The following TTC39C variants were observed in gnomAD, a reference collection of about 807,000 sequenced individuals.
TTC39C encodes tetratricopeptide repeat protein 39C.
TTC39C carries 33 observed loss-of-function variants against 76.3 expected under a neutral mutation model. The ratio of observed to expected loss-of-function variants is 0.43; its 90% CI spans 0.33 to 0.58. The LOEUF (loss-of-function observed/expected upper bound fraction) is 0.58. Ranked by LOEUF, TTC39C falls within the 20% of genes least tolerant of loss-of-function variation. The pLI is 0.04. For missense variants in TTC39C, 595 were observed against 701.4 expected (o/e 0.85, Z 1.71); for synonymous variants, 254 against 260.6 (o/e 0.97, Z 0.24).
At chr18:24,035,971 G>A (rs2083727666) in intron 1 of TTC39C, among the ~76,000 whole-genome samples, 1 of 152,046 alleles carries the variant, frequency 6.6e-6, no homozygotes, top group South Asian at 2.1e-4. Context: ...ATAAAGTAAG[G>A]GTCAACTTCA....
Position 24,086,537 on chromosome 18 carries a change from G to C in TTC39C, c.984+3456G>C, listed in dbSNP as rs547860466. 7.9e-5 allele frequency among the ~76,000 whole-genome samples: 12 copies of C among 152,324 alleles called. No homozygotes were observed. In the South Asian group the frequency reaches 2.5e-3, roughly 32 times the overall value. On this transcript the variant is annotated intron_variant, in intron 6 of 13. Transcript: ENST00000317571. ...TAAACCTCATTGTGGTGACTTGGCT[G>C]TTTTCTGTTATGGCCTCAGTTGATG...
chr18:24,050,546 A>G (rs1460707870), intron 1 of TTC39C, among the ~76,000 whole-genome samples: 2 of 145,408 alleles, frequency 1.4e-5, no homozygotes, highest in Admixed American at 1.4e-4. Context: ...TCTGGGTGAC[A>G]AAGCAAGACC....
chr18:24,098,810 T>G (rs2145786464), intron 6 of TTC39C, among the ~76,000 whole-genome samples: 1 of 151,886 alleles, frequency 6.6e-6, no homozygotes, highest in Non-Finnish European at 1.5e-5. Flanking sequence ...TTTTGTATTC[T>G]TAGTAGAGAC....
intron 6 of TTC39C, among the ~76,000 whole-genome samples, chr18:24,088,350 T>C (rs753983679): frequency 9.2e-5 from 14 of 152,244 alleles, no homozygotes; most frequent in African/African-American, 1.4e-4. Context: ...TGCAAATAGA[T>C]GTTAACATAC....
intron 1 of TTC39C, among the ~76,000 whole-genome samples, chr18:24,023,964 A>ATATATACACG (rs1568408827): frequency 3.9e-4 from 4 of 10,204 alleles, no homozygotes; most frequent in African/African-American, 6.8e-4. Flanking sequence ...ATATATATAT[A>ATATATACACG]TATATATATA....
intron 1 of TTC39C, among the ~76,000 whole-genome samples, chr18:24,027,101 G>A (rs1474230783): frequency 1.3e-5 from 2 of 152,092 alleles, no homozygotes; most frequent in African/African-American, 4.8e-5. Flanking sequence ...AGACCAGCCT[G>A]GCCAACATGG....
chr18:24,056,645 G>A (rs2084020192), intron 1 of TTC39C, among the ~76,000 whole-genome samples: 1 of 152,000 alleles, frequency 6.6e-6, no homozygotes, highest in African/African-American at 2.4e-5. Flanking sequence ...GGCAATGTTG[G>A]CGAATATCAG....
At chr18:24,101,858 C>A (rs2084679980) in intron 6 of TTC39C, among the ~76,000 whole-genome samples, 1 of 152,106 alleles carries the variant, frequency 6.6e-6, no homozygotes, top group Non-Finnish European at 1.5e-5. Flanking sequence ...ATTTTTAATT[C>A]TTTGATAACA....
chr18:23,995,341 G>A (rs1290458222), intron 1 of TTC39C, among the ~76,000 whole-genome samples: 1 of 152,030 alleles, frequency 6.6e-6, no homozygotes, highest in African/African-American at 2.4e-5. Flanking sequence ...GTGGTGGCGC[G>A]CGTCTGTAGT....
At chr18:24,043,395 T>G (rs1239898889) in intron 1 of TTC39C, among the ~76,000 whole-genome samples, 2 of 152,140 alleles carry the variant, frequency 1.3e-5, no homozygotes, top group African/African-American at 4.8e-5. Context: ...GACACCATTC[T>G]TTTTTCCCTA....
At chr18:24,058,353 C>A (rs1249364018) in intron 1 of TTC39C, among the ~76,000 whole-genome samples, 1 of 152,038 alleles carries the variant, frequency 6.6e-6, no homozygotes, top group Non-Finnish European at 1.5e-5. Flanking sequence ...TAAAATTAAA[C>A]CACTGTTAAA....
intron 1 of TTC39C, among the ~76,000 whole-genome samples, chr18:24,016,210 C>T (rs1285751267): frequency 2.0e-5 from 3 of 151,514 alleles, no homozygotes; most frequent in African/African-American, 7.3e-5. Context: ...GTGATTTTTT[C>T]CCCCCTTTGG....
intron 1 of TTC39C, among the ~76,000 whole-genome samples, chr18:24,036,912 C>T (rs772016059): frequency 2.6e-5 from 4 of 152,174 alleles, no homozygotes; most frequent in Non-Finnish European, 5.9e-5. Context: ...GGATTACAGA[C>T]GTGAGCCACC....
chr18:24,105,555 A>G (rs899211645), intron 6 of TTC39C, among the ~76,000 whole-genome samples: 1 of 152,152 alleles, frequency 6.6e-6, no homozygotes, highest in South Asian at 2.1e-4. Flanking sequence ...CAGGCACCAC[A>G]CTGGCCCACC....
At chr18:24,040,596 A>G in intron 1 of TTC39C, among the ~76,000 whole-genome samples, 1 of 152,202 alleles carries the variant, frequency 6.6e-6, no homozygotes. Flanking sequence ...ATATATAACA[A>G]TTTTTATATA....
At chr18:24,026,621 T>C (rs1466756309) in intron 1 of TTC39C, among the ~76,000 whole-genome samples, 2 of 152,210 alleles carry the variant, frequency 1.3e-5, no homozygotes, top group African/African-American at 4.8e-5. Context: ...CTGTTTTACA[T>C]GCTCAGGTGC....
Position 24,059,742 on chromosome 18 carries a change from G to T in TTC39C, c.168-4398G>T, listed in dbSNP as rs939359223. Among the ~76,000 whole-genome samples, 3 of 152,126 alleles carry T rather than the reference G, an allele frequency of 2.0e-5. 1 individual carries two copies. Among genetic ancestry groups the T allele is most frequent in the Non-Finnish European group, 4.4e-5 (3 of 68,012 alleles). ...TATATACCCAGTAACAGGATTCCTGGGTTGAATGGTATATTAGTTTGTTTT... is the reference window on the plus strand; with the variant it reads ...TATATACCCAGTAACAGGATTCCTGTGTTGAATGGTATATTAGTTTGTTTT... On this transcript the variant is annotated intron_variant, in intron 1 of 13. Transcript: ENST00000317571.
At chr18:24,076,264 G>A (rs1477574393) in intron 4 of TTC39C, among the ~76,000 whole-genome samples, 2 of 152,162 alleles carry the variant, frequency 1.3e-5, no homozygotes, top group South Asian at 2.1e-4. Context: ...ACAGGCATGA[G>A]CCACCGCGCC....
chr18:24,036,616 A>T (rs532200951), intron 1 of TTC39C, among the ~76,000 whole-genome samples: 25 of 152,148 alleles, frequency 1.6e-4, no homozygotes, highest in African/African-American at 5.3e-4. Context: ...TAGAATTTTT[A>T]GGGGATATTT....
Sources: allele counts gnomAD v4.1 joint callset (sites outside exome capture counted in the v4.1 genomes callset), GRCh38; gene constraint gnomAD v4.1.1; transcripts MANE v1.5; gene names NCBI Gene and HGNC (gene_info 2026-07-23, HGNC 2026-07-21).